Variants in SIPA1L1 observed in about 807,000 individuals in gnomAD.
SIPA1L1 encodes signal induced proliferation associated 1 like 1.
Under a neutral mutation model 162.7 loss-of-function variants are expected in SIPA1L1, and 26 were observed. That is an observed-to-expected ratio of 0.16 (90% CI 0.12 to 0.22). SIPA1L1 has a LOEUF of 0.22. Among genes scored for constraint, SIPA1L1 ranks in the 10% least tolerant of loss-of-function variants. The probability of loss-of-function intolerance (pLI) is 1.00; values close to 1 mark genes in which losing one functional copy is unlikely to be tolerated. For synonymous variants in SIPA1L1, 829 were observed against 837.4 expected (o/e 0.99, Z 0.17); for missense variants, 1,874 against 2,241.0 (o/e 0.84, Z 3.31).
chr14:71,580,516 T>C (rs150489072), intron 4 of SIPA1L1, among the ~76,000 whole-genome samples: 36 of 152,342 alleles, frequency 2.4e-4, no homozygotes, highest in Admixed American at 3.9e-4. Context: ...TGAGGAGATA[T>C]AAGCAATTGT....
At chr14:71,366,334 G>A (rs2038291397) in intron 2 of SIPA1L1, among the ~76,000 whole-genome samples, 1 of 152,162 alleles carries the variant, frequency 6.6e-6, no homozygotes, top group South Asian at 2.1e-4. Context: ...CAGAGAGAGA[G>A]AATGCCTTGG....
intron 7 of SIPA1L1, among the ~76,000 whole-genome samples, chr14:71,631,024 C>G (rs897610779): frequency 4.6e-5 from 7 of 152,058 alleles, no homozygotes; most frequent in Non-Finnish European, 7.4e-5. Context: ...CCTCCCCCAG[C>G]CCCCCAGCCC....
chr14:71,405,894 A>G (rs2041996640), intron 2 of SIPA1L1, among the ~76,000 whole-genome samples: 1 of 152,242 alleles, frequency 6.6e-6, no homozygotes, highest in Non-Finnish European at 1.5e-5. Context: ...ATCTGAGGCC[A>G]TGGGAACACG....
At chr14:71,392,850 T>C (rs1235750035) in intron 2 of SIPA1L1, among the ~76,000 whole-genome samples, 1 of 152,218 alleles carries the variant, frequency 6.6e-6, no homozygotes, top group Non-Finnish European at 1.5e-5. Context: ...CTTACTCCCC[T>C]AGACCATAAA....
intron 8 of SIPA1L1, among the ~76,000 whole-genome samples, chr14:71,651,327 A>G (rs1049568686): frequency 2.0e-5 from 3 of 152,166 alleles, no homozygotes; most frequent in Admixed American, 6.5e-5. Context: ...ATTGCAGTCT[A>G]TAGTAATCTC....
intron 7 of SIPA1L1, among the ~76,000 whole-genome samples, chr14:71,630,592 A>G (rs2040469544): frequency 6.6e-6 from 1 of 152,194 alleles, no homozygotes; most frequent in Non-Finnish European, 1.5e-5. Context: ...GCTTTAAAAT[A>G]AAAGTTAAAC....
At chr14:71,663,931 C>T (rs984479511) in intron 10 of SIPA1L1, among the ~76,000 whole-genome samples, 14 of 152,168 alleles carry the variant, frequency 9.2e-5, no homozygotes, top group Non-Finnish European at 1.8e-4. Context: ...TGAAAGAAAT[C>T]ACAAGAGATT....
At chr14:71,510,437 G>T (rs545847978) in intron 2 of SIPA1L1, among the ~76,000 whole-genome samples, 1 of 151,826 alleles carries the variant, frequency 6.6e-6, no homozygotes, top group Non-Finnish European at 1.5e-5. Context: ...ATCCACCCAG[G>T]TCGGCCTCCC....
chr14:71,514,802 G>A (rs991296417), intron 3 of SIPA1L1, among the ~76,000 whole-genome samples: 1 of 152,168 alleles, frequency 6.6e-6, no homozygotes, highest in Non-Finnish European at 1.5e-5. Flanking sequence ...AACTGTCCAC[G>A]TTAACATATA....
intron 2 of SIPA1L1, among the ~76,000 whole-genome samples, chr14:71,447,572 T>A (rs1427326460): frequency 8.6e-5 from 13 of 151,394 alleles, no homozygotes; most frequent in African/African-American, 2.9e-4. Flanking sequence ...ATTTTTTTTT[T>A]TTTTTTTTTG....
rs113681908 is a variant in SIPA1L1 at position 71,682,332 on chromosome 14, G to A, written c.3105-3030G>A. ...ATCCTTTTATGAAAGTTTATGCATA[G>A]CATTAAAAGCCAGTTTTTAATCTGT... On this transcript the variant is annotated intron_variant, in intron 12 of 23. Transcript: ENST00000381232. 4.5e-3 allele frequency among the ~76,000 whole-genome samples: 683 copies of A among 152,268 alleles called. 7 individuals are homozygous for A. Among genetic ancestry groups the A allele is most frequent in the African/African-American group, 0.016 (646 of 41,552 alleles).
At chr14:71,639,285 T>C (rs1164501120) in intron 7 of SIPA1L1, among the ~76,000 whole-genome samples, 1 of 152,136 alleles carries the variant, frequency 6.6e-6, no homozygotes, top group East Asian at 1.9e-4. Context: ...TGGTGTGCAT[T>C]TGTAGCTCCA....
chr14:71,453,858 G>A (rs1233501242), intron 2 of SIPA1L1, among the ~76,000 whole-genome samples: 1 of 151,994 alleles, frequency 6.6e-6, no homozygotes, highest in Non-Finnish European at 1.5e-5. Flanking sequence ...GCTGGGCATG[G>A]TGGCTCACTC....
intron 11 of SIPA1L1, among the ~76,000 whole-genome samples, chr14:71,671,988 C>G (rs2044582181): frequency 6.6e-6 from 1 of 151,172 alleles, no homozygotes; most frequent in Non-Finnish European, 1.5e-5. Context: ...TTCCCTGGTG[C>G]TGCAGTCCAG....
chr14:71,624,023 A>G (rs1476886944), intron 6 of SIPA1L1, 25 bp from the exon 7 acceptor site: 4 of 1,563,976 alleles, frequency 2.6e-6, no homozygotes, highest in Admixed American at 3.6e-5. Flanking sequence ...CAGAAGCCTC[A>G]CCACAGCACC....
chr14:71,355,203 A>G (rs1270466793), intron 2 of SIPA1L1, among the ~76,000 whole-genome samples: 1 of 152,262 alleles, frequency 6.6e-6, no homozygotes, highest in African/African-American at 2.4e-5. Context: ...TTTAAGGACC[A>G]GTATTATTAA....
At chr14:71,691,647 A>G (rs2081264126) in intron 13 of SIPA1L1, among the ~76,000 whole-genome samples, 1 of 151,620 alleles carries the variant, frequency 6.6e-6, no homozygotes, top group Non-Finnish European at 1.5e-5. Flanking sequence ...TATCATCGTC[A>G]CCACCCCCAT....
chr14:71,571,667 A>G (rs1330617068), intron 4 of SIPA1L1, among the ~76,000 whole-genome samples: 1 of 151,688 alleles, frequency 6.6e-6, no homozygotes, highest in Admixed American at 6.6e-5. Flanking sequence ...TTTGAGATGG[A>G]GTCTTGCTCT....
intron 3 of SIPA1L1, among the ~76,000 whole-genome samples, chr14:71,524,329 T>C (rs1299366139): frequency 6.6e-6 from 1 of 152,218 alleles, no homozygotes; most frequent in Non-Finnish European, 1.5e-5. Context: ...CATGTGGTTA[T>C]GTTATGTATT....
Sources: allele counts gnomAD v4.1 joint callset (sites outside exome capture counted in the v4.1 genomes callset), GRCh38; gene constraint gnomAD v4.1.1; transcripts MANE v1.5; gene names NCBI Gene and HGNC (gene_info 2026-07-23, HGNC 2026-07-21).